Variants in ADCY2 observed in about 807,000 individuals in gnomAD.
ADCY2 encodes the protein adenylate cyclase type 2.
ADCY2 carries 31 observed loss-of-function variants against 125.2 expected under a neutral mutation model. That is an observed-to-expected ratio of 0.25 (90% confidence interval 0.19 to 0.33). The LOEUF (loss-of-function observed/expected upper bound fraction) is 0.33. ADCY2 is among the 10% of genes least tolerant of loss of function. The pLI is 1.00. For synonymous variants in ADCY2, 512 were observed against 548.4 expected, an observed-to-expected ratio of 0.93 and a Z score of 0.93; for missense variants, 904 against 1,418.2, an observed-to-expected ratio of 0.64 and a Z score of 5.82.
intron 4 of ADCY2, among the ~76,000 whole-genome samples, chr5:7,683,435 A>C (rs143584127): frequency 6.6e-6 from 1 of 152,206 alleles, no homozygotes; most frequent in Admixed American, 6.5e-5. Flanking sequence ...AAAGTGGCTG[A>C]ACAATAGTGG....
At chr5:7,817,450 G>A (rs930680148) in intron 23 of ADCY2, among the ~76,000 whole-genome samples, 4 of 152,158 alleles carry the variant, frequency 2.6e-5, no homozygotes, top group Non-Finnish European at 4.4e-5. Flanking sequence ...ATGTGTCATA[G>A]GTTCTGAAAC....
At chr5:7,560,923 A>G (rs1056740714) in intron 3 of ADCY2, among the ~76,000 whole-genome samples, 1 of 152,140 alleles carries the variant, frequency 6.6e-6, no homozygotes, top group Non-Finnish European at 1.5e-5. Flanking sequence ...CCTGACCTCA[A>G]GTGATCCACC....
At chr5:7,725,076 C>G (rs2126396492) in intron 13 of ADCY2, among the ~76,000 whole-genome samples, 1 of 152,208 alleles carries the variant, frequency 6.6e-6, no homozygotes, top group South Asian at 2.1e-4. Flanking sequence ...ATCCTTAATA[C>G]TTTCATATTA....
intron 3 of ADCY2, among the ~76,000 whole-genome samples, chr5:7,608,557 C>T (rs1424699123): frequency 6.6e-6 from 1 of 152,142 alleles, no homozygotes; most frequent in Non-Finnish European, 1.5e-5. Context: ...GCCTGGGCAA[C>T]ACAGCGAGAC....
At chr5:7,734,592 G>A (rs190937005) in intron 14 of ADCY2, among the ~76,000 whole-genome samples, 27 of 152,318 alleles carry the variant, frequency 1.8e-4, no homozygotes, top group Non-Finnish European at 3.8e-4. Context: ...AAGCAGTTTT[G>A]CAACTGGGCT....
intron 3 of ADCY2, among the ~76,000 whole-genome samples, chr5:7,562,935 T>G (rs924482434): frequency 6.6e-6 from 1 of 152,216 alleles, no homozygotes; most frequent in Admixed American, 6.5e-5. Flanking sequence ...GACATTCTTA[T>G]TAACTACATT....
intron 18 of ADCY2, among the ~76,000 whole-genome samples, chr5:7,775,133 A>G (rs1743678326): frequency 6.6e-6 from 1 of 150,852 alleles, no homozygotes. Flanking sequence ...CAGCCTCTCT[A>G]GTAGCTGGGA....
At chr5:7,466,208 T>A (rs1742110878) in intron 2 of ADCY2, among the ~76,000 whole-genome samples, 1 of 152,218 alleles carries the variant, frequency 6.6e-6, no homozygotes, top group African/African-American at 2.4e-5. Flanking sequence ...TCTTATATAT[T>A]TTTTTCTTAG....
intron 4 of ADCY2, among the ~76,000 whole-genome samples, chr5:7,669,454 A>C (rs1739860194): frequency 6.6e-6 from 1 of 152,182 alleles, no homozygotes; most frequent in African/African-American, 2.4e-5. Flanking sequence ...TCACATTGAG[A>C]GATGAGAATC....
chr5:7,792,634 T>C (rs1561002147), intron 20 of ADCY2, among the ~76,000 whole-genome samples: 1 of 152,150 alleles, frequency 6.6e-6, no homozygotes, highest in African/African-American at 2.4e-5. Flanking sequence ...CTCTTTCCTG[T>C]TTGCTTGGCT....
intron 15 of ADCY2, among the ~76,000 whole-genome samples, chr5:7,755,398 G>A (rs1482183645): frequency 1.3e-5 from 2 of 150,556 alleles, no homozygotes; most frequent in East Asian, 2.0e-4. Flanking sequence ...ATCAGGAGCT[G>A]GAAGGAAGAA....
At chr5:7,557,142 T>C (rs955937974) in intron 3 of ADCY2, among the ~76,000 whole-genome samples, 1 of 125,978 alleles carries the variant, frequency 7.9e-6, no homozygotes, top group African/African-American at 2.6e-5. Context: ...AGTTTATATA[T>C]ATATATAAAC....
intron 16 of ADCY2, among the ~76,000 whole-genome samples, 193 bp downstream of exon 16, chr5:7,757,779 TG>T (rs141677393): frequency 0.016 from 2,476 of 152,330 alleles, 33 homozygotes; most frequent in Middle Eastern, 0.031. Flanking sequence ...GGACCTGTTC[TG>T]TGGAATTTTG....
chr5:7,450,051 GA>G (rs1286048842), intron 2 of ADCY2, among the ~76,000 whole-genome samples: 1 of 152,054 alleles, frequency 6.6e-6, no homozygotes, highest in Non-Finnish European at 1.5e-5. Flanking sequence ...TATTCCCAGA[GA>G]CATGACAATA....
At position 7,761,137 on chromosome 5, in the gene ADCY2, TC is replaced by T. The variant is rs1560959319; in HGVS notation, c.2094+3552del. The stretch of plus-strand genomic sequence containing the variant: ...TATGTGTGTGTATCAAAATTTCTTT[TC>T]TTTTCTTTTCTTTTTTTTTTTTTTT... On this transcript the variant is annotated intron_variant, in intron 16 of 24. Transcript: ENST00000338316. Among the ~76,000 whole-genome samples the T allele has an allele frequency of 4.7e-3, 392 of 84,266 alleles. 7 individuals carry two copies. Among genetic ancestry groups the T allele is most frequent in the African/African-American group, 0.016 (382 of 24,046 alleles). 55.3% of individuals were successfully genotyped at this position (84,266 alleles called of 152,430 possible).
Position 7,695,823 on chromosome 5 carries a change from T to C in ADCY2, c.941T>C (p.Met314Thr). 1 of 1,612,886 alleles carries C rather than the reference T, an allele frequency of 6.2e-7. No individual in the cohort carries two copies. Among genetic ancestry groups the C allele is most frequent in the Non-Finnish European group, 8.5e-7 (1 of 1,179,314 alleles). ...SDCSPGELVH[M>T]LNELFGKFDQ... ...TGCTCCCCGGGAGAACTAGTCCACA[T>C]GCTGAATGAGCTCTTTGGAAAGTTT... The change falls in exon 6 of 25, where the codon ATG becomes ACG. Residue 314 changes from methionine (M) to threonine (T), a missense_variant. Physicochemically the swap from Met to Thr is moderately conservative, Grantham distance 81. Around this residue, in one of 7 missense-constraint regions of ADCY2, gnomAD observed 117 missense variants for 248.0 expected, o/e 0.47. Transcript: ENST00000338316.
intron 3 of ADCY2, among the ~76,000 whole-genome samples, chr5:7,523,284 T>C (rs1744525750): frequency 6.9e-6 from 1 of 145,734 alleles, no homozygotes; most frequent in Non-Finnish European, 1.5e-5. Context: ...GCTGGGTTTT[T>C]TGTTTAAGCA....
At position 7,490,970 on chromosome 5, in the gene ADCY2, A is replaced by G. The variant is rs183908518; in HGVS notation, c.409-29768A>G. 1.2e-3 allele frequency among the ~76,000 whole-genome samples: 178 copies of G among 152,342 alleles called. 1 individual carries two copies. The highest frequency in any genetic ancestry group is 1.9e-3 in the Non-Finnish European group (130 of 68,034). On this transcript the variant is annotated intron_variant, in intron 2 of 24. Coordinates refer to ENST00000338316, the MANE Select transcript of ADCY2 (RefSeq NM_020546.3). The stretch of plus-strand genomic sequence containing the variant: ...AATTGAGGACATAAACTTGAGGGAA[A>G]GGATGATGCTATTGCATTAAAAAAT...
chr5:7,752,285 A>G (rs1742852240), intron 15 of ADCY2, among the ~76,000 whole-genome samples: 2 of 152,254 alleles, frequency 1.3e-5, no homozygotes, highest in Admixed American at 1.3e-4. Flanking sequence ...TATTCCTGCC[A>G]TTCAGAATGA....
Sources: gnomAD v4.1 joint callset for allele counts (sites outside exome capture counted in the v4.1 genomes callset) on GRCh38, gnomAD v4.1.1 for gene constraint, gnomAD v4.1.1 regional missense constraint, MANE v1.5 for transcripts, NCBI Gene and HGNC (gene_info 2026-07-23, HGNC 2026-07-21) for gene names.